TRIM5: variants seen among roughly 807,000 people sequenced by gnomAD.
The protein encoded by TRIM5 is tripartite motif containing 5.
Under a neutral mutation model 35.6 loss-of-function variants are expected in TRIM5, and 31 were observed. The ratio of observed to expected loss-of-function variants is 0.87; its 90% CI spans 0.65 to 1.18. The LOEUF (loss-of-function observed/expected upper bound fraction) is 1.18, where lower values mean the gene tolerates loss of function less well. Ranked by LOEUF, TRIM5 falls within the 50% of genes most tolerant of loss-of-function variation. The pLI is 0.00. For missense variants in TRIM5, 609 were observed against 591.6 expected (o/e 1.03, Z -0.31); for synonymous variants, 243 against 215.6 (o/e 1.13, Z -1.11).
At chr11:5,597,985 C>G in the TRIM5 span, among the ~76,000 whole-genome samples, 1 of 152,122 alleles carries the variant, frequency 6.6e-6, no homozygotes, top group Non-Finnish European at 1.5e-5. Context: ...TAAAGAACTC[C>G]AAGTGCTTGC....
At position 5,680,113 on chromosome 11, in the gene TRIM5, A is replaced by AGGAGTTC. The variant is rs753801058; in HGVS notation, c.58_64dup (p.Leu22ArgfsTer35). 3 of 1,614,092 alleles carry AGGAGTTC rather than the reference A, an allele frequency of 1.9e-6. No homozygotes were observed. The highest frequency in any genetic ancestry group is 2.5e-6 in the Non-Finnish European group (3 of 1,180,000). ...GCAGTCCAGGCTCAGGGGTTGTGTC[A>AGGAGTTC]GGAGTTCCAGGCAGATGGGGCAGGT... On this transcript the variant is annotated frameshift_variant, in exon 2 of 8. Transcript: ENST00000380034. LOFTEE classifies it high-confidence loss of function.
chr11:5,673,376 A>T (rs1025804655), intron 4 of TRIM5, among the ~76,000 whole-genome samples: 1 of 152,142 alleles, frequency 6.6e-6, no homozygotes, highest in African/African-American at 2.4e-5. Flanking sequence ...TGTCAAGAAG[A>T]AATAACAATA....
At chr11:5,633,801 T>C in the TRIM5 span, 4 of 1,613,044 alleles carry the variant, frequency 2.5e-6, no homozygotes, top group Admixed American at 1.7e-5. Flanking sequence ...TCCCTTCTCA[T>C]AGGAGAAACT....
At chr11:5,683,925 A>G (rs554450197) in intron 1 of TRIM5, 36 of 152,344 alleles carry the variant, frequency 2.4e-4, no homozygotes, top group African/African-American at 8.4e-4. Context: ...CCTCTTTGCA[A>G]TAAATCTTAA....
the TRIM5 span, among the ~76,000 whole-genome samples, chr11:5,646,812 C>G: frequency 6.6e-6 from 1 of 152,174 alleles, no homozygotes; most frequent in Non-Finnish European, 1.5e-5. Flanking sequence ...CTCCCTTACT[C>G]TCTGTATGAC....
chr11:5,645,891 A>G, the TRIM5 span: 2 of 168,978 alleles, frequency 1.2e-5, no homozygotes, highest in African/African-American at 2.7e-5. Context: ...ATATATATAT[A>G]TATATCTATA....
the TRIM5 span, among the ~76,000 whole-genome samples, chr11:5,637,105 G>A: frequency 3.3e-5 from 5 of 152,274 alleles, no homozygotes; most frequent in Admixed American, 6.5e-5. Flanking sequence ...CCCAGGAGGC[G>A]GAGCTTGCAG....
At chr11:5,645,485 T>A in the TRIM5 span, among the ~76,000 whole-genome samples, 1 of 152,036 alleles carries the variant, frequency 6.6e-6, no homozygotes, top group Admixed American at 6.6e-5. Flanking sequence ...ATGCTAGGTT[T>A]TAAATCTCTG....
the TRIM5 span, among the ~76,000 whole-genome samples, chr11:5,604,188 G>C: frequency 6.6e-6 from 1 of 151,866 alleles, no homozygotes; most frequent in Non-Finnish European, 1.5e-5. Flanking sequence ...GTGTGTGTGT[G>C]TGTTTAGTAG....
At chr11:5,666,785 T>TA (rs1314570900) in intron 5 of TRIM5, among the ~76,000 whole-genome samples, 1 of 152,270 alleles carries the variant, frequency 6.6e-6, no homozygotes, top group Non-Finnish European at 1.5e-5. Flanking sequence ...AGCACCTTTT[T>TA]ATGCTCTTGT....
In TRIM5 at chr11:5,678,247, T is replaced by A. The variant is rs1852146105; in HGVS notation, c.701A>T (p.Asp234Val). Residue 234 changes from aspartate (D) to valine (V), a missense_variant, in exon 4 of 8, where the codon GAT (aspartate) becomes GTT (valine). Asp to Val is a radical substitution (Grantham distance 152). Coordinates refer to ENST00000380034, the MANE Select transcript of TRIM5 (RefSeq NM_033034.3). Reference sequence around the variant, plus strand: ...TGACCCCTGCAGCCGATGCTCCAGATCTGAGATGAGCTCTCTCAGGGACTG... The same window carrying A: ...TGACCCCTGCAGCCGATGCTCCAGAACTGAGATGAGCTCTCTCAGGGACTG... ...QTQSLRELIS[D>V]LEHRLQGSVM... The A allele has an allele frequency of 6.2e-7, 1 of 1,614,068 alleles. No individual in the cohort carries two copies. The highest frequency in any genetic ancestry group is 8.5e-7 in the Non-Finnish European group (1 of 1,179,916).
intron 5 of TRIM5, among the ~76,000 whole-genome samples, chr11:5,667,381 A>AT (rs761931969): frequency 4.0e-5 from 6 of 151,666 alleles, no homozygotes; most frequent in Non-Finnish European, 8.8e-5. Flanking sequence ...TAATTTTTGT[A>AT]TTTTTTTGAT....
chr11:5,634,492 TACACACACACACACACACACACACACAC>T, the TRIM5 span: 1 of 227,110 alleles, frequency 4.4e-6, no homozygotes, highest in Non-Finnish European at 7.6e-6. Context: ...ATAATATAAA[TACACACACACACACACACACACACACAC>T]ACACACACAC....
chr11:5,669,629 G>A (rs1189982848), intron 4 of TRIM5, among the ~76,000 whole-genome samples: 1 of 152,102 alleles, frequency 6.6e-6, no homozygotes, highest in African/African-American at 2.4e-5. Context: ...GGATTAAGTG[G>A]TGAAAAAAAC....
Position 5,679,057 on chromosome 11 carries a change from G to T in TRIM5, c.513+17C>A. On this transcript the variant is annotated intron_variant, in intron 3 of 7. Transcript: ENST00000380034. The stretch of plus-strand genomic sequence containing the variant: ...CCAGATTTCTAGCTAACTCCTTCGG[G>T]AACCACATCCTCTTGCCTTCCAGGA... 1.2e-6 allele frequency: 2 copies of T among 1,609,036 alleles called. No homozygotes were observed. Among genetic ancestry groups the T allele is most frequent in the South Asian group, 2.2e-5 (2 of 90,956 alleles).
the TRIM5 span, among the ~76,000 whole-genome samples, chr11:5,621,691 A>G: frequency 6.6e-6 from 1 of 152,246 alleles, no homozygotes; most frequent in Non-Finnish European, 1.5e-5. Flanking sequence ...TGCTTAGGGC[A>G]AACCTGCCTC....
chr11:5,604,439 T>A, the TRIM5 span: 1 of 1,364,002 alleles, frequency 7.3e-7, no homozygotes, highest in African/African-American at 1.5e-5. Context: ...AGGCTTCTTT[T>A]GAGGTTAGCA....
chr11:5,679,465 C>T (rs1165622360), intron 2 of TRIM5, among the ~76,000 whole-genome samples: 14 of 152,124 alleles, frequency 9.2e-5, no homozygotes, highest in Admixed American at 7.9e-4. Context: ...ACTCCTGTTA[C>T]TCTCCTGCTG....
the TRIM5 span, among the ~76,000 whole-genome samples, chr11:5,617,829 T>C: frequency 6.8e-6 from 1 of 147,120 alleles, no homozygotes; most frequent in East Asian, 2.0e-4. Context: ...AAATAGGTAC[T>C]GTCATTATCC....
Sources: gnomAD v4.1 joint callset for allele counts (sites outside exome capture counted in the v4.1 genomes callset) on GRCh38, gnomAD v4.1.1 for gene constraint, MANE v1.5 for transcripts, NCBI Gene and HGNC (gene_info 2026-07-23, HGNC 2026-07-21) for gene names.